Variants in FAT3 observed in about 807,000 individuals in gnomAD.
FAT3 encodes the protein protocadherin Fat 3.
A neutral mutation model predicts 310.2 loss-of-function variants in FAT3; 95 were observed. The ratio of observed to expected loss-of-function variants is 0.31; its 90% CI spans 0.26 to 0.36. FAT3 has a LOEUF of 0.36. Ranked by LOEUF, FAT3 falls within the 10% of genes least tolerant of loss-of-function variation. The pLI is 1.00. For missense variants in FAT3, 5,408 were observed against 5,715.6 expected, an observed-to-expected ratio of 0.95 and a Z score of 1.74; for synonymous variants, 2,314 against 2,192.9, an observed-to-expected ratio of 1.06 and a Z score of -1.54.
chr11:92,355,968 T>A (rs150245699), intron 2 of FAT3, among the ~76,000 whole-genome samples: 97 of 152,298 alleles, frequency 6.4e-4, no homozygotes, highest in African/African-American at 2.1e-3. Flanking sequence ...AAATGTTTTC[T>A]TAATGGAATA....
At chr11:92,432,745 C>A (rs958203005) in intron 2 of FAT3, among the ~76,000 whole-genome samples, 3 of 152,182 alleles carry the variant, frequency 2.0e-5, no homozygotes, top group Admixed American at 6.5e-5. Context: ...GGCAGCCTGT[C>A]CCTTAGCTCG....
intron 3 of FAT3, among the ~76,000 whole-genome samples, chr11:92,555,551 C>T (rs568617328): frequency 6.6e-6 from 1 of 152,258 alleles, no homozygotes; most frequent in East Asian, 1.9e-4. Flanking sequence ...GTGTCTAGGC[C>T]ACCTTCTGGT....
chr11:92,716,596 A>G (rs1386330037), intron 4 of FAT3, among the ~76,000 whole-genome samples: 1 of 152,206 alleles, frequency 6.6e-6, no homozygotes, highest in South Asian at 2.1e-4. Context: ...AGTAATCACT[A>G]TGGCAACTGC....
At chr11:92,490,201 A>G (rs776020540) in intron 2 of FAT3, among the ~76,000 whole-genome samples, 4 of 152,156 alleles carry the variant, frequency 2.6e-5, no homozygotes, top group Non-Finnish European at 5.9e-5. Flanking sequence ...GCTTATATGC[A>G]GCTAATGATG....
intron 2 of FAT3, among the ~76,000 whole-genome samples, chr11:92,455,741 A>C (rs1951477694): frequency 6.6e-6 from 1 of 152,186 alleles, no homozygotes; most frequent in African/African-American, 2.4e-5. Flanking sequence ...AAAGTTACTT[A>C]ACCTCTCACT....
chr11:92,889,619 C>T (rs922350940), intron 26 of FAT3, among the ~76,000 whole-genome samples: 6 of 152,104 alleles, frequency 3.9e-5, no homozygotes, highest in African/African-American at 9.7e-5. Flanking sequence ...ATTTCAACCA[C>T]GTAACTTTTA....
At chr11:92,704,488 G>A (rs1944205800) in intron 4 of FAT3, among the ~76,000 whole-genome samples, 1 of 152,156 alleles carries the variant, frequency 6.6e-6, no homozygotes, top group African/African-American at 2.4e-5. Context: ...GAATGTGACT[G>A]GATTTGGAAA....
chr11:92,768,390 G>T (rs1268154652), intron 6 of FAT3, among the ~76,000 whole-genome samples: 1 of 152,218 alleles, frequency 6.6e-6, no homozygotes, highest in Non-Finnish European at 1.5e-5. Context: ...CAGCGCAGAA[G>T]TAAAATCCTT....
intron 2 of FAT3, among the ~76,000 whole-genome samples, chr11:92,471,985 T>A (rs1338684253): frequency 6.7e-6 from 1 of 148,610 alleles, no homozygotes; most frequent in Non-Finnish European, 1.5e-5. Flanking sequence ...AATTTATGTA[T>A]GTATATTTAT....
At chr11:92,617,770 G>A (rs1461174055) in intron 3 of FAT3, among the ~76,000 whole-genome samples, 2 of 152,170 alleles carry the variant, frequency 1.3e-5, no homozygotes, top group East Asian at 1.9e-4. Context: ...GTTTGCCCGG[G>A]TGTCACCAGC....
At chr11:92,447,371 CT>C (rs201289089) in intron 2 of FAT3, among the ~76,000 whole-genome samples, 15 of 150,856 alleles carry the variant, frequency 9.9e-5, no homozygotes, top group Non-Finnish European at 1.6e-4. Flanking sequence ...GGAGTCATAC[CT>C]TTTTTTTTCC....
chr11:92,553,675 C>CCTTCCTTCCTTCCTT (rs1954898483), intron 3 of FAT3, among the ~76,000 whole-genome samples: 1,560 of 108,352 alleles, frequency 0.014, 39 homozygotes, highest in African/African-American at 0.045. Flanking sequence ...GAATCTCCGT[C>CCTTCCTTCCTTCCTT]CCTTCCTTCC....
intron 2 of FAT3, among the ~76,000 whole-genome samples, chr11:92,368,845 T>TATATATATATATATATATATATATAC (rs1196442457): frequency 2.2e-4 from 32 of 145,880 alleles, no homozygotes; most frequent in African/African-American, 6.9e-4. Flanking sequence ...TATATATATA[T>TATATATATATATATATATATATATAC]ATACACACAT....
intron 4 of FAT3, among the ~76,000 whole-genome samples, chr11:92,719,772 A>G (rs866894087): frequency 2.6e-4 from 33 of 126,628 alleles, no homozygotes; most frequent in South Asian, 8.0e-4. Context: ...GTGTGTGTGT[A>G]TAATTTTCTG....
intron 4 of FAT3, among the ~76,000 whole-genome samples, chr11:92,713,262 G>T (rs1196439675): frequency 1.3e-5 from 2 of 152,190 alleles, no homozygotes; most frequent in African/African-American, 4.8e-5. Flanking sequence ...GAAAAGCATT[G>T]TTCTCACTGC....
chr11:92,430,830 G>T (rs1236866922), intron 2 of FAT3, among the ~76,000 whole-genome samples: 3 of 152,044 alleles, frequency 2.0e-5, no homozygotes, highest in African/African-American at 7.2e-5. Context: ...TCCCTACAAG[G>T]GACATGAACT....
At chr11:92,742,740 C>G (rs1945543478) in intron 4 of FAT3, among the ~76,000 whole-genome samples, 1 of 152,196 alleles carries the variant, frequency 6.6e-6, no homozygotes, top group Non-Finnish European at 1.5e-5. Context: ...TTGGACTTCC[C>G]AGGCTCCAGA....
At chr11:92,545,543 A>G (rs1012809676) in intron 3 of FAT3, among the ~76,000 whole-genome samples, 3 of 152,108 alleles carry the variant, frequency 2.0e-5, no homozygotes, top group African/African-American at 7.3e-5. Context: ...TCTCTCAAAG[A>G]TAACAAGTAA....
At chr11:92,726,661 G>T (rs1221289886) in intron 4 of FAT3, among the ~76,000 whole-genome samples, 1 of 151,890 alleles carries the variant, frequency 6.6e-6, no homozygotes, top group African/African-American at 2.4e-5. Flanking sequence ...CACTCTGGTT[G>T]TTAAAGAATG....
Sources: allele counts gnomAD v4.1 joint callset (sites outside exome capture counted in the v4.1 genomes callset), GRCh38; gene constraint gnomAD v4.1.1; transcripts MANE v1.5; gene names NCBI Gene and HGNC (gene_info 2026-07-23, HGNC 2026-07-21).